Variants in TRIP11 observed in about 807,000 individuals in gnomAD.
The protein encoded by TRIP11 is thyroid hormone receptor interactor 11.
Under a neutral mutation model 223.1 loss-of-function variants are expected in TRIP11, and 148 were observed. The observed-to-expected ratio is 0.66, with a 90% CI of 0.58 to 0.76. The LOEUF is 0.76. Ranked by LOEUF, TRIP11 falls within the 30% of genes least tolerant of loss-of-function variation. The probability of loss-of-function intolerance (pLI) is 0.00; values close to 1 mark genes in which losing one functional copy is unlikely to be tolerated. For missense variants in TRIP11, 2,043 were observed against 2,222.0 expected (o/e 0.92, Z 1.62); for synonymous variants, 762 against 772.6 (o/e 0.99, Z 0.23).
At position 92,015,743 on chromosome 14, in the gene TRIP11, C is replaced by T; in HGVS notation, c.776G>A (p.Ser259Asn). 1 of 1,613,372 alleles carries T rather than the reference C, an allele frequency of 6.2e-7. No homozygotes were observed. The highest frequency in any genetic ancestry group is 2.2e-5 in the East Asian group (1 of 44,862). Residue 259 changes from serine to asparagine, a missense_variant, in exon 6 of 21, where the codon AGT (serine) becomes AAT (asparagine). By Grantham distance (46) the Ser-to-Asn change is conservative (BLOSUM62 1). Transcript: ENST00000267622. ...TTCTTCAATTCGTTCTTCATAGTCA[C>T]TTAATTCTTCTCGATGTCGTCGACT... is the stretch of plus-strand genomic sequence containing the variant. The part of the protein sequence containing the change: ...EISRRHREEL[S>N]DYEERIEELE...
In TRIP11 at chr14:92,007,938, G is replaced by T. The variant is rs1015294063; in HGVS notation, c.1315-86C>A. The T allele has an allele frequency of 1.0e-5, 11 of 1,070,934 alleles. No homozygotes were observed. In the Admixed American group the frequency reaches 1.7e-4, roughly 16 times the overall value. 66.3% of individuals were successfully genotyped at this position (1,070,934 alleles called of 1,614,324 possible). A position where few individuals can be genotyped will look rare whatever the true frequency, so the allele number is the denominator to read the frequency against. Reference sequence around the variant, plus strand: ...AAACATACATAGAAGCAAAACTTGGGATTCTATTTAAGTGCTCTATATTGG... The same window carrying T: ...AAACATACATAGAAGCAAAACTTGGTATTCTATTTAAGTGCTCTATATTGG... On this transcript the variant is annotated intron_variant, in intron 9 of 20. Transcript: ENST00000267622.
intron 16 of TRIP11, among the ~76,000 whole-genome samples, chr14:91,981,191 T>C (rs896843581): frequency 8.6e-5 from 13 of 150,908 alleles, no homozygotes; most frequent in Admixed American, 2.6e-4. Context: ...AATTTTTGTA[T>C]TTTTAGTAGA....
rs2056883535 is a variant in TRIP11 at position 92,005,243 on chromosome 14, T to G, written c.2733A>C (p.Glu911Asp). The change falls in exon 11 of 21, where the codon GAA becomes GAC. Residue 911 changes from glutamate (E) to aspartate (D), a missense_variant. Glu to Asp is a conservative substitution (Grantham distance 45). Coordinates refer to ENST00000267622, the MANE Select transcript of TRIP11 (RefSeq NM_004239.4). ...LNTIKEHLEE[E>D]IKHHQKIIED... ...CAATTATCTTTTGATGATGTTTAAT[T>G]TCCTCTTCAAGATGTTCCTTGATCG... The G allele has an allele frequency of 6.2e-7, 1 of 1,614,082 alleles. No individual in the cohort carries two copies. The highest frequency in any genetic ancestry group is 1.3e-5 in the African/African-American group (1 of 74,926).
rs2057364609 is a variant in TRIP11 at position 92,039,761 on chromosome 14, A to T, written c.-76T>A. On this transcript the variant is annotated 5_prime_UTR_variant, in exon 1 of 21. Coordinates refer to ENST00000267622, the MANE Select transcript of TRIP11 (RefSeq NM_004239.4). ...TAGCGCCGCCGGGCGATCCGACCAA[A>T]TATCCTTGAACGCCTGCCTTCGCGA... 1 of 1,557,618 alleles carries T rather than the reference A, an allele frequency of 6.4e-7. No homozygotes were observed. The highest frequency in any genetic ancestry group is 8.7e-7 in the Non-Finnish European group (1 of 1,150,638).
In TRIP11 at chr14:92,005,610, T is replaced by C. The variant is rs139118524; in HGVS notation, c.2366A>G (p.His789Arg). The change falls in exon 11 of 21, where the codon CAT becomes CGT. Residue 789 changes from histidine (H) to arginine (R), a missense_variant. His to Arg is a conservative substitution (Grantham distance 29). Coordinates refer to ENST00000267622, the MANE Select transcript of TRIP11 (RefSeq NM_004239.4). ...TGACAAAACGTCCTTAGTTTCTTTA[T>C]GGTCAGTATCCATTTGTTCAATATT... ...KKNIEQMDTD[H>R]KETKDVLSSS... The C allele has an allele frequency of 1.4e-5, 23 of 1,613,766 alleles. No individual in the cohort carries two copies. In the African/African-American group the frequency reaches 2.0e-4, roughly 14 times the overall value.
At chr14:92,020,085 T>G in intron 4 of TRIP11, among the ~76,000 whole-genome samples, 1 of 151,882 alleles carries the variant, frequency 6.6e-6, no homozygotes, top group Non-Finnish European at 1.5e-5. Flanking sequence ...CCATCTCTAC[T>G]AAAAGTACAA....
chr14:92,030,706 AT>A (rs1478868643), intron 2 of TRIP11: 2 of 152,154 alleles, frequency 1.3e-5, no homozygotes, highest in East Asian at 1.9e-4. Context: ...CATCATGTAT[AT>A]TTGTACACCA....
rs530870171 is a variant in TRIP11, at chr14:92,026,872, C to T, written c.202-1452G>A. ...ATGTTGATACCAAGAAGCAGAAGAC[C>T]GACGAGGATGACTAGACAGCAAAAA... On this transcript the variant is annotated intron_variant, in intron 2 of 20. Transcript: ENST00000267622. The T allele has an allele frequency of 1.8e-5, 28 of 1,520,056 alleles. No individual in the cohort carries two copies. In the Admixed American group the frequency reaches 4.7e-4, roughly 25 times the overall value. 94.2% of individuals were successfully genotyped at this position (1,520,056 alleles called of 1,614,324 possible). A position where few individuals can be genotyped will look rare whatever the true frequency, so the allele number is the denominator to read the frequency against.
At chr14:92,008,816 T>C (rs1335089525) in intron 9 of TRIP11, among the ~76,000 whole-genome samples, 3 of 152,096 alleles carry the variant, frequency 2.0e-5, no homozygotes, top group Admixed American at 1.3e-4. Flanking sequence ...TAGTGCACTA[T>C]GATCATGCCA....
chr14:92,027,677 T>C (rs529126629), intron 2 of TRIP11, among the ~76,000 whole-genome samples: 1 of 152,310 alleles, frequency 6.6e-6, no homozygotes, highest in South Asian at 2.1e-4. Flanking sequence ...TCTACTAATA[T>C]ACCCACAAAC....
chr14:92,015,651 C>T, intron 6 of TRIP11, 45 bp downstream of exon 6: 1 of 1,491,810 alleles, frequency 6.7e-7, no homozygotes, highest in Non-Finnish European at 9.0e-7. Flanking sequence ...GATGGAGACT[C>T]CATCTCAAAA....
chr14:92,029,280 A>ATTTTTT lies in TRIP11; in HGVS notation c.202-3866_202-3861dup, dbSNP rs60778253. Among the ~76,000 whole-genome samples the ATTTTTT allele has an allele frequency of 3.6e-3, 273 of 76,736 alleles. 5 individuals are homozygous for ATTTTTT. Among genetic ancestry groups the ATTTTTT allele is most frequent in the African/African-American group, 4.2e-3 (73 of 17,278 alleles). 50.3% of individuals were successfully genotyped at this position (76,736 alleles called of 152,430 possible). A position where few individuals can be genotyped will look rare whatever the true frequency, so the allele number is the denominator to read the frequency against. ...TTCTGACTGCATTGCCCAAAGTATT[A>ATTTTTT]TTTTTTTTTTTTTTTTTTTTTTTTT... On this transcript the variant is annotated intron_variant, in intron 2 of 20. Coordinates refer to ENST00000267622, the MANE Select transcript of TRIP11 (RefSeq NM_004239.4).
intron 2 of TRIP11, among the ~76,000 whole-genome samples, chr14:92,032,492 T>C (rs199511484): frequency 1.4e-5 from 2 of 147,436 alleles, no homozygotes; most frequent in East Asian, 2.0e-4. Flanking sequence ...CAAATATTAT[T>C]ATCATTTTAG....
At chr14:92,003,192 T>TA (rs1371471196) in intron 11 of TRIP11, among the ~76,000 whole-genome samples, 2 of 152,160 alleles carry the variant, frequency 1.3e-5, no homozygotes, top group Admixed American at 6.5e-5. Flanking sequence ...TAGCAATCTG[T>TA]AAAAAATTAA....
intron 1 of TRIP11, among the ~76,000 whole-genome samples, chr14:92,039,235 G>T (rs1159323749): frequency 6.6e-6 from 1 of 152,134 alleles, no homozygotes; most frequent in Non-Finnish European, 1.5e-5. Context: ...CCAAACTGAG[G>T]GCAAAGTGGT....
chr14:91,983,235 A>C (rs2056566239), intron 16 of TRIP11, among the ~76,000 whole-genome samples: 1 of 152,194 alleles, frequency 6.6e-6, no homozygotes, highest in African/African-American at 2.4e-5. Context: ...AAACCTCCTG[A>C]AGGCAGGACC....
chr14:91,972,828 T>C lies in TRIP11; in HGVS notation c.5608A>G (p.Thr1870Ala). 1.9e-6 allele frequency: 3 copies of C among 1,612,936 alleles called. No individual in the cohort carries two copies. The highest frequency in any genetic ancestry group is 1.1e-5 in the South Asian group (1 of 90,918). Residue 1870 changes from threonine (T) to alanine (A), a missense_variant, in exon 20 of 21, where the codon ACA becomes GCA. Physicochemically the swap from Thr to Ala is moderately conservative, Grantham distance 58. Coordinates refer to ENST00000267622, the MANE Select transcript of TRIP11 (RefSeq NM_004239.4). ...FSELFVKFLETESHPSIPPPK... is the reference protein window; with the variant it reads ...FSELFVKFLEAESHPSIPPPK... ...GGTGGAATGGATGGATGAGATTCTGTTTCTAGAAATTTAACAAAAAGTTCT... is the reference window on the plus strand; with the variant it reads ...GGTGGAATGGATGGATGAGATTCTGCTTCTAGAAATTTAACAAAAAGTTCT...
At chr14:92,010,965 C>T in intron 9 of TRIP11, 21 bp downstream of exon 9, 1 of 1,609,770 alleles carries the variant, frequency 6.2e-7, no homozygotes, top group East Asian at 2.2e-5. Context: ...TTAATTCTGC[C>T]CCCATTTTTA....
chr14:92,024,028 GTAT>G (rs1344980979), intron 3 of TRIP11, among the ~76,000 whole-genome samples: 3 of 150,966 alleles, frequency 2.0e-5, no homozygotes, highest in Non-Finnish European at 4.4e-5. Flanking sequence ...GCTAATTTTT[GTAT>G]TATTAGTAGA....
Sources: gnomAD v4.1 joint callset for allele counts (sites outside exome capture counted in the v4.1 genomes callset) on GRCh38, gnomAD v4.1.1 for gene constraint, MANE v1.5 for transcripts, NCBI Gene and HGNC (gene_info 2026-07-23, HGNC 2026-07-21) for gene names.